The following KY variants were observed in gnomAD, a reference collection of about 807,000 sequenced individuals.
The protein encoded by KY is kyphoscoliosis peptidase.
In KY, 43 loss-of-function variants were observed where a neutral mutation model predicts 76.1. That is an observed-to-expected ratio of 0.57 (90% CI 0.44 to 0.73). KY has a LOEUF of 0.73. KY is among the 30% of genes least tolerant of loss of function. The probability of loss-of-function intolerance (pLI) is 0.00; values close to 1 mark genes in which losing one functional copy is unlikely to be tolerated. For missense variants in KY, 722 were observed against 828.9 expected, an observed-to-expected ratio of 0.87 and a Z score of 1.58; for synonymous variants, 277 against 326.2, an observed-to-expected ratio of 0.85 and a Z score of 1.63.
In KY at chr3:134,650,990, G is replaced by A. The variant is rs372890709; in HGVS notation, c.-30C>T. ...CCGCCTCCTTTCCGACCTGGGCGCC[G>A]CGGCCGCACGCTAGGCTGCTTGCGC... On this transcript the variant is annotated 5_prime_UTR_variant, in exon 1 of 11. Coordinates refer to ENST00000423778, the MANE Select transcript of KY (RefSeq NM_178554.6). The A allele has an allele frequency of 6.2e-7, 1 of 1,612,134 alleles. No homozygotes were observed. Among genetic ancestry groups the A allele is most frequent in the Non-Finnish European group, 8.5e-7 (1 of 1,179,118 alleles).
chr3:134,647,965 C>T (rs1182451526), intron 1 of KY, among the ~76,000 whole-genome samples: 2 of 152,184 alleles, frequency 1.3e-5, no homozygotes, highest in African/African-American at 4.8e-5. Flanking sequence ...GCCTCCCTTG[C>T]AGCTAGAGGG....
Position 134,620,739 on chromosome 3 carries a change from G to A in KY, c.592+10C>T. 1.2e-6 allele frequency: 2 copies of A among 1,603,874 alleles called. No individual in the cohort carries two copies. The highest frequency in any genetic ancestry group is 1.7e-6 in the Non-Finnish European group (2 of 1,171,618). ...GATTCTAGAGCCAGAAATTCCACAG[G>A]GGGGCCTACCTATGTGATGGCAGAT... On this transcript the variant is annotated intron_variant, in intron 7 of 10. Transcript: ENST00000423778.
intron 3 of KY, among the ~76,000 whole-genome samples, chr3:134,635,366 A>G (rs926036809): frequency 1.3e-5 from 2 of 151,954 alleles, no homozygotes; most frequent in Admixed American, 1.3e-4. Context: ...GCATGGTGGC[A>G]GGCACCTGTA....
intron 3 of KY, among the ~76,000 whole-genome samples, chr3:134,638,477 G>C (rs536181091): frequency 2.0e-5 from 3 of 152,090 alleles, no homozygotes; most frequent in African/African-American, 7.2e-5. Flanking sequence ...AGGCTGCCTG[G>C]CTGGCCTCTC....
intron 10 of KY, among the ~76,000 whole-genome samples, chr3:134,606,391 G>C (rs1959202660): frequency 6.6e-6 from 1 of 152,000 alleles, no homozygotes; most frequent in Non-Finnish European, 1.5e-5. Context: ...ATCCTCCAAG[G>C]CCACAACCCT....
At chr3:134,630,877 G>T (rs1964123943) in intron 3 of KY, among the ~76,000 whole-genome samples, 1 of 152,248 alleles carries the variant, frequency 6.6e-6, no homozygotes, top group East Asian at 1.9e-4. Context: ...TGAGATAAAT[G>T]GAAAGATATA....
chr3:134,603,860 G>A lies in KY; in HGVS notation c.1705C>T (p.Pro569Ser). 6.2e-7 allele frequency: 1 copy of A among 1,614,004 alleles called. No homozygotes were observed. The highest frequency in any genetic ancestry group is 8.5e-7 in the Non-Finnish European group (1 of 1,179,894). The change falls in exon 11 of 11, where the codon CCT becomes TCT. Residue 569 changes from proline to serine, a missense_variant. Around this residue, in one of 2 missense-constraint regions of KY, gnomAD observed 552 missense variants for 680.9 expected, o/e 0.81. Coordinates refer to ENST00000423778, the MANE Select transcript of KY (RefSeq NM_178554.6). ...TGTCCCCAGTTGCCAAAGCTCTCAG[G>A]GAACATGGGCCAGTTCACCTTGGTG... ...ANTKVNWPMF[P>S]ESFGNWGQDN...
At chr3:134,620,893 C>T (rs757175535) in intron 6 of KY, 36 bp from the exon 7 acceptor site, 87 of 1,310,800 alleles carry the variant, frequency 6.6e-5, no homozygotes, top group East Asian at 1.2e-4. Flanking sequence ...ATTAGGGCCT[C>T]GAGGAGGGGC....
At chr3:134,620,045 G>A (rs1376225082) in intron 7 of KY, 4 of 152,224 alleles carry the variant, frequency 2.6e-5, no homozygotes, top group Admixed American at 2.0e-4. Flanking sequence ...AGAAAGACCC[G>A]GCTGGTCTTT....
Position 134,604,212 on chromosome 3 carries a change from G to GGGCT in KY, c.1349_1352dup (p.Val452AlafsTer20), listed in dbSNP as rs764512310. Reference sequence around the variant, plus strand: ...GCTCCGAGAACCAGCTGGGGCCCACGGGCTGGTGAAGCTCAGCAGGCAGCT... The same window carrying GGGCT: ...GCTCCGAGAACCAGCTGGGGCCCACGGGCTGGCTGGTGAAGCTCAGCAGGCAGCT... On this transcript the variant is annotated frameshift_variant, in exon 11 of 11. Transcript: ENST00000423778. LOFTEE classifies it high-confidence loss of function. The GGGCT allele has an allele frequency of 3.1e-6, 5 of 1,612,834 alleles. No individual in the cohort carries two copies. Among genetic ancestry groups the GGGCT allele is most frequent in the Non-Finnish European group, 8.5e-7 (1 of 1,179,568 alleles).
chr3:134,640,769 A>G (rs1339698330), intron 3 of KY, among the ~76,000 whole-genome samples: 1 of 152,192 alleles, frequency 6.6e-6, no homozygotes, highest in Non-Finnish European at 1.5e-5. Context: ...CCCATTGCTC[A>G]GGTCCCAAGC....
At chr3:134,618,020 G>C (rs1293062907) in intron 8 of KY, among the ~76,000 whole-genome samples, 1 of 152,134 alleles carries the variant, frequency 6.6e-6, no homozygotes, top group Non-Finnish European at 1.5e-5. Flanking sequence ...GGGGTGGGAA[G>C]CAGCCTGGGT....
At chr3:134,620,622 G>A (rs1217952867) in intron 7 of KY, 127 bp downstream of exon 7, 1 of 670,806 alleles carries the variant, frequency 1.5e-6, no homozygotes, top group South Asian at 1.8e-5. Context: ...CATCAGTCCA[G>A]TCTTCTGGGT....
chr3:134,619,239 TCTC>T lies in KY; in HGVS notation c.616_618del (p.Glu206del). The T allele has an allele frequency of 1.2e-6, 2 of 1,613,794 alleles. No individual in the cohort carries two copies. The highest frequency in any genetic ancestry group is 2.2e-5 in the South Asian group (2 of 91,060). ...GTGGGTTTGAAGGCTTGGCGGTCCT[TCTC>T]CTGAGCAGCTGCAATGTCATACTCT... On this transcript the variant is annotated inframe_deletion, in exon 8 of 11. Transcript: ENST00000423778.
chr3:134,638,073 C>T (rs1965228810), intron 3 of KY, among the ~76,000 whole-genome samples: 1 of 152,216 alleles, frequency 6.6e-6, no homozygotes, highest in South Asian at 2.1e-4. Flanking sequence ...AGGAAAACAG[C>T]CACTTTCTCG....
rs148053021 is a variant in KY at position 134,634,443 on chromosome 3, A to G, written c.263-4748T>C. On this transcript the variant is annotated intron_variant, in intron 3 of 10. Coordinates refer to ENST00000423778, the MANE Select transcript of KY (RefSeq NM_178554.6). ...GAATAATAAAAAATAGACTCACACA[A>G]ACATAGCAAAATAAATTTTTACAAA... 2.6e-5 allele frequency among the ~76,000 whole-genome samples: 4 copies of G among 152,368 alleles called. No individual in the cohort carries two copies. In the East Asian group the frequency reaches 7.7e-4, roughly 29 times the overall value.
intron 7 of KY, among the ~76,000 whole-genome samples, chr3:134,619,620 G>A (rs1419019115): frequency 6.6e-6 from 1 of 152,202 alleles, no homozygotes; most frequent in Non-Finnish European, 1.5e-5. Flanking sequence ...CCTGCAGCCC[G>A]AAGGCCTCAT....
At chr3:134,631,520 G>T (rs1577729259) in intron 3 of KY, among the ~76,000 whole-genome samples, 2 of 144,764 alleles carry the variant, frequency 1.4e-5, no homozygotes, top group Non-Finnish European at 3.0e-5. Flanking sequence ...ATAATTGAAA[G>T]AAATAATTAT....
At chr3:134,622,555 G>A (rs1002871036) in intron 6 of KY, among the ~76,000 whole-genome samples, 3 of 152,188 alleles carry the variant, frequency 2.0e-5, no homozygotes, top group Admixed American at 6.5e-5. Flanking sequence ...GGGGCTGGGG[G>A]AGGAGAAATG....
Sources: allele counts gnomAD v4.1 joint callset (sites outside exome capture counted in the v4.1 genomes callset), GRCh38; gene constraint gnomAD v4.1.1; regional missense constraint gnomAD v4.1.1; transcripts MANE v1.5; gene names NCBI Gene and HGNC (gene_info 2026-07-23, HGNC 2026-07-21).